Variants in USP32 observed in about 807,000 individuals in gnomAD.
The protein encoded by USP32 is ubiquitin carboxyl-terminal hydrolase 32.
USP32 carries 59 observed loss-of-function variants against 204.8 expected under a neutral mutation model. The observed-to-expected ratio is 0.29, with a 90% CI of 0.23 to 0.36. The LOEUF (loss-of-function observed/expected upper bound fraction) is 0.36, where lower values mean the gene tolerates loss of function less well. Ranked by LOEUF, USP32 falls within the 10% of genes least tolerant of loss-of-function variation. The pLI, the probability that USP32 is intolerant of heterozygous loss-of-function variation, is 1.00. For missense variants in USP32, 1,160 were observed against 1,946.4 expected, an observed-to-expected ratio of 0.60 and a Z score of 7.60; for synonymous variants, 517 against 678.4, an observed-to-expected ratio of 0.76 and a Z score of 3.70.
chr17:60,418,340 G>A (rs1364619519), intron 1 of USP32, among the ~76,000 whole-genome samples: 1 of 150,326 alleles, frequency 6.7e-6, no homozygotes, highest in Non-Finnish European at 1.5e-5. Flanking sequence ...CAATCCACCC[G>A]CTTTGGCCTC....
chr17:60,393,177 C>G (rs1446406773), upstream of USP32, among the ~76,000 whole-genome samples: 3 of 152,190 alleles, frequency 2.0e-5, no homozygotes, highest in African/African-American at 7.2e-5. Context: ...AATTTCACTA[C>G]TCTTAAGTAT....
rs138309676 is a variant in USP32, at chr17:60,353,245, C to G, written c.59-7637G>C. ...GAGGAAAGAGCATGTATGGATGCAA[C>G]GAGCAGGAAAGGCTCTCTTCTGCAG... On this transcript the variant is annotated intron_variant, in intron 1 of 33. Transcript: ENST00000300896. Among the ~76,000 whole-genome samples, 200 of 152,214 alleles carry G rather than the reference C, an allele frequency of 1.3e-3. 1 individual carries two copies. The highest frequency in any genetic ancestry group is 4.5e-3 in the African/African-American group (187 of 41,526).
intron 1 of USP32, among the ~76,000 whole-genome samples, chr17:60,390,595 C>T (rs1317887871): frequency 6.6e-6 from 1 of 152,172 alleles, no homozygotes; most frequent in Non-Finnish European, 1.5e-5. Context: ...AATCCACCAC[C>T]ACCAATACAT....
intron 2 of USP32, among the ~76,000 whole-genome samples, chr17:60,303,774 A>G (rs1296483624): frequency 6.6e-6 from 1 of 152,192 alleles, no homozygotes; most frequent in African/African-American, 2.4e-5. Context: ...AAGGAAAAAT[A>G]TGCTAATGGA....
intron 1 of USP32, among the ~76,000 whole-genome samples, chr17:60,368,242 C>T (rs2146078346): frequency 6.6e-6 from 1 of 152,338 alleles, no homozygotes; most frequent in East Asian, 1.9e-4. Context: ...TGAAGCATTT[C>T]ACACTGTACA....
At chr17:60,223,722 G>A (rs2085314827) in intron 13 of USP32, 136 bp from the exon 14 acceptor site, 1 of 678,580 alleles carries the variant, frequency 1.5e-6, no homozygotes, top group Admixed American at 3.7e-5. Flanking sequence ...TGGTAATTCT[G>A]TAGAAGACAG....
chr17:60,413,781 C>T (rs1348301397), intron 1 of USP32, among the ~76,000 whole-genome samples: 1 of 147,330 alleles, frequency 6.8e-6, no homozygotes, highest in Non-Finnish European at 1.5e-5. Flanking sequence ...AGGAGAATCA[C>T]TTGAACCCAG....
At chr17:60,183,142 T>C in intron 31 of USP32, 23 bp downstream of exon 31, 1 of 1,569,922 alleles carries the variant, frequency 6.4e-7, no homozygotes, top group Non-Finnish European at 8.6e-7. Context: ...AGAAAGCACC[T>C]GCATAAGGCC....
At position 60,271,305 on chromosome 17, in the gene USP32, G is replaced by A. The variant is rs750939438; in HGVS notation, c.703+45C>T. 14 of 1,600,998 alleles carry A rather than the reference G, an allele frequency of 8.7e-6. No homozygotes were observed. In the South Asian group the frequency reaches 1.5e-4, roughly 17 times the overall value. On this transcript the variant is annotated intron_variant, in intron 6 of 33. Transcript: ENST00000300896. Reference sequence around the variant, plus strand: ...GGTTACAAATATGAGATGGGCTCAGGTATGTTTACCAGTGAACATATGTAG... The same window carrying A: ...GGTTACAAATATGAGATGGGCTCAGATATGTTTACCAGTGAACATATGTAG...
chr17:60,212,309 T>C (rs886784338), intron 18 of USP32, among the ~76,000 whole-genome samples: 5 of 152,240 alleles, frequency 3.3e-5, no homozygotes, highest in African/African-American at 9.6e-5. Context: ...AGAGTGTACC[T>C]ACACAAACCT....
intron 5 of USP32, among the ~76,000 whole-genome samples, chr17:60,279,763 GGA>G (rs1246177803): frequency 6.6e-6 from 1 of 151,418 alleles, no homozygotes; most frequent in Non-Finnish European, 1.5e-5. Context: ...CTTAAGCCTA[GGA>G]GGCGGAGGTT....
rs544566585 is a variant in USP32 at position 60,234,259 on chromosome 17, G to C, written c.1239+1879C>G. 3.6e-3 allele frequency among the ~76,000 whole-genome samples: 538 copies of C among 151,392 alleles called. 1 individual carries two copies. Among genetic ancestry groups the C allele is most frequent in the Non-Finnish European group, 6.2e-3 (417 of 67,798 alleles). On this transcript the variant is annotated intron_variant, in intron 12 of 33. Transcript: ENST00000300896. The stretch of plus-strand genomic sequence containing the variant: ...CTCCCGAGTAGCTGGGACCATAGGC[G>C]CCTGCCACCATGCCCGGCTAATTTG...
intron 8 of USP32, 76 bp from the exon 9 acceptor site, chr17:60,265,550 T>C (rs1368354839): frequency 1.2e-5 from 12 of 987,586 alleles, no homozygotes; most frequent in Non-Finnish European, 1.9e-5. Flanking sequence ...GGCTAAAGTA[T>C]ATTAAGCAAG....
At chr17:60,207,511 G>A (rs1394372617) in intron 24 of USP32, among the ~76,000 whole-genome samples, 1 of 151,880 alleles carries the variant, frequency 6.6e-6, no homozygotes, top group Admixed American at 6.6e-5. Flanking sequence ...AGTTGCAGGA[G>A]CTTAATTTAG....
intron 2 of USP32, among the ~76,000 whole-genome samples, chr17:60,340,809 G>A (rs946436589): frequency 2.0e-5 from 3 of 152,056 alleles, no homozygotes; most frequent in African/African-American, 7.2e-5. Context: ...GGCTGGTACC[G>A]GTTGTTTCTT....
chr17:60,182,239 T>G (rs994671563), intron 31 of USP32, among the ~76,000 whole-genome samples: 17 of 152,246 alleles, frequency 1.1e-4, no homozygotes, highest in Admixed American at 7.9e-4. Context: ...CCATAGCCCC[T>G]TTTATACCTT....
intron 1 of USP32, among the ~76,000 whole-genome samples, chr17:60,372,185 G>T (rs921584618): frequency 6.6e-6 from 1 of 152,100 alleles, no homozygotes; most frequent in African/African-American, 2.4e-5. Flanking sequence ...TCAACTAAAA[G>T]AATACAAAGT....
At chr17:60,320,531 A>G (rs1440303875) in intron 2 of USP32, among the ~76,000 whole-genome samples, 1 of 152,148 alleles carries the variant, frequency 6.6e-6, no homozygotes, top group East Asian at 1.9e-4. Context: ...AAACGTGCAC[A>G]CCGTTGGGAT....
chr17:60,407,133 T>C (rs2089981997), intron 1 of USP32, among the ~76,000 whole-genome samples: 1 of 152,192 alleles, frequency 6.6e-6, no homozygotes, highest in Admixed American at 6.6e-5. Flanking sequence ...AAAATCAGAA[T>C]GTGGCAATCT....
Sources: allele counts gnomAD v4.1 joint callset (sites outside exome capture counted in the v4.1 genomes callset), GRCh38; gene constraint gnomAD v4.1.1; transcripts MANE v1.5; gene names NCBI Gene and HGNC (gene_info 2026-07-23, HGNC 2026-07-21).